PARD3: variants seen among roughly 807,000 people sequenced by gnomAD.
PARD3 encodes par-3 family cell polarity regulator.
In PARD3, 75 loss-of-function variants were observed where a neutral mutation model predicts 155.4. The observed-to-expected ratio is 0.48, with a 90% CI of 0.40 to 0.58. The LOEUF (loss-of-function observed/expected upper bound fraction) is 0.58. Among genes scored for constraint, PARD3 ranks in the 20% least tolerant of loss-of-function variants. PARD3 has a pLI of 0.00. For missense variants in PARD3, 1,642 were observed against 1,721.7 expected (o/e 0.95, Z 0.82); for synonymous variants, 576 against 610.5 (o/e 0.94, Z 0.83).
At chr10:34,476,578 T>G (rs1194004630) in intron 3 of PARD3, among the ~76,000 whole-genome samples, 1 of 152,180 alleles carries the variant, frequency 6.6e-6, no homozygotes, top group African/African-American at 2.4e-5. Flanking sequence ...TCTCTGGGCC[T>G]CCATCCCTAA....
In PARD3 at chr10:34,666,802, T is replaced by TAA. The variant is rs2093490156; in HGVS notation, c.222+29515_222+29516insTT. Among the ~76,000 whole-genome samples the TAA allele has an allele frequency of 1.8e-4, 4 of 22,612 alleles. No homozygotes were observed. The East Asian group carries it at 5.0e-3, about 28-fold the overall frequency. The allele number at this position is 22,612 out of a possible 152,430, so 14.8% of individuals were successfully genotyped here. ...TAAAAAAAAAAAAAAAAAAAATATA[T>TAA]ATATATATATATATACACACACACA... On this transcript the variant is annotated intron_variant, in intron 2 of 24. Transcript: ENST00000374788.
intron 1 of PARD3, among the ~76,000 whole-genome samples, chr10:34,710,169 C>A (rs557073190): frequency 2.0e-5 from 3 of 152,098 alleles, no homozygotes; most frequent in African/African-American, 2.4e-5. Context: ...TAGCTATACA[C>A]GTAAAAACAG....
At chr10:34,160,049 T>C (rs1050422252) in intron 22 of PARD3, among the ~76,000 whole-genome samples, 1 of 152,188 alleles carries the variant, frequency 6.6e-6, no homozygotes, top group African/African-American at 2.4e-5. Flanking sequence ...AGAAAGTAGA[T>C]AGAATATTAT....
At position 34,317,076 on chromosome 10, in the gene PARD3, G is replaced by C. The variant is rs2134129133; in HGVS notation, c.3065+31C>G. ...AAGCTCACACTCCTGTATGTTTAAG[G>C]AGATTCTGGTTTGGGATGGTAACGA... On this transcript the variant is annotated intron_variant, in intron 20 of 24. Coordinates refer to ENST00000374788, the MANE Select transcript of PARD3 (RefSeq NM_001184785.2). The C allele has an allele frequency of 2.0e-6, 3 of 1,525,508 alleles. No homozygotes were observed. In the East Asian group the frequency reaches 7.3e-5, roughly 37 times the overall value. 94.5% of individuals were successfully genotyped at this position (1,525,508 alleles called of 1,614,324 possible).
chr10:34,780,085 C>G (rs920212666), intron 1 of PARD3, among the ~76,000 whole-genome samples: 1 of 152,192 alleles, frequency 6.6e-6, no homozygotes, highest in Non-Finnish European at 1.5e-5. Context: ...TTCTGGTAAT[C>G]CCCATGGAAA....
At chr10:34,628,010 T>C in intron 2 of PARD3, among the ~76,000 whole-genome samples, 1 of 152,122 alleles carries the variant, frequency 6.6e-6, no homozygotes, top group African/African-American at 2.4e-5. Flanking sequence ...GAAGAGGTGC[T>C]GAGTTTACAC....
At chr10:34,649,741 A>C (rs2133040055) in intron 2 of PARD3, among the ~76,000 whole-genome samples, 1 of 152,376 alleles carries the variant, frequency 6.6e-6, no homozygotes, top group African/African-American at 2.4e-5. Flanking sequence ...AACTTAGATT[A>C]CTGTAACTTT....
At chr10:34,284,362 G>A in intron 20 of PARD3, 117 bp from the exon 21 acceptor site, 1 of 610,960 alleles carries the variant, frequency 1.6e-6, no homozygotes, top group African/African-American at 1.9e-5. Flanking sequence ...CAGGGATCAG[G>A]TGTCTTCTGC....
chr10:34,665,357 A>G lies in PARD3; in HGVS notation c.222+30961T>C, dbSNP rs1306482234. On this transcript the variant is annotated intron_variant, in intron 2 of 24. Transcript: ENST00000374788. ...AGAAGCCCTGTATCTGCTGAAAAAAACAAACAAAAAAAAATAGCCAGGCGT... is the reference window on the plus strand; with the variant it reads ...AGAAGCCCTGTATCTGCTGAAAAAAGCAAACAAAAAAAAATAGCCAGGCGT... Among the ~76,000 whole-genome samples, 4 of 116,904 alleles carry G rather than the reference A, an allele frequency of 3.4e-5. No homozygotes were observed. The South Asian group carries it at 1.1e-3, about 32-fold the overall frequency. 76.7% of individuals were successfully genotyped at this position (116,904 alleles called of 152,430 possible). A position where few individuals can be genotyped will look rare whatever the true frequency, so the allele number is the denominator to read the frequency against.
At chr10:34,178,810 T>C (rs1950144170) in intron 22 of PARD3, among the ~76,000 whole-genome samples, 2 of 152,234 alleles carry the variant, frequency 1.3e-5, no homozygotes, top group South Asian at 2.1e-4. Context: ...GGTCACCTAA[T>C]AGAATGCTTT....
At chr10:34,687,901 C>T (rs570342182) in intron 2 of PARD3, among the ~76,000 whole-genome samples, 90 of 124,784 alleles carry the variant, frequency 7.2e-4, no homozygotes, top group African/African-American at 2.3e-3. Context: ...GTTGCCCAAG[C>T]TTGAGTAGAG....
At position 34,382,793 on chromosome 10, in the gene PARD3, A is replaced by T; in HGVS notation, c.1146T>A (p.Phe382Leu). The T allele has an allele frequency of 6.2e-7, 1 of 1,614,202 alleles. No homozygotes were observed. Among genetic ancestry groups the T allele is most frequent in the African/African-American group, 1.3e-5 (1 of 75,040 alleles). ...SEKNNYYSSR[F>L]SPDSQYIDNR... ...TGTCAATATACTGGCTGTCAGGGCT[A>T]AAACGGCTTGAATAGTAATTGTTCT... is the stretch of plus-strand genomic sequence containing the variant. Residue 382 changes from phenylalanine to leucine, a missense_variant, in exon 9 of 25, where the codon TTT becomes TTA. Phe to Leu is a conservative substitution (Grantham distance 22). Coordinates refer to ENST00000374788, the MANE Select transcript of PARD3 (RefSeq NM_001184785.2).
At chr10:34,280,363 G>C (rs187714793) in intron 21 of PARD3, among the ~76,000 whole-genome samples, 1 of 152,330 alleles carries the variant, frequency 6.6e-6, no homozygotes, top group Admixed American at 6.5e-5. Context: ...GCACAGACCA[G>C]TATGTTAACA....
chr10:34,482,854 TA>T (rs879839992), intron 3 of PARD3, among the ~76,000 whole-genome samples: 1,645 of 144,152 alleles, frequency 0.011, 27 homozygotes, highest in African/African-American at 0.037. Flanking sequence ...TCCTTAAAAT[TA>T]AAAAAAAAAA....
intron 22 of PARD3, among the ~76,000 whole-genome samples, chr10:34,214,445 A>G (rs1002421646): frequency 3.9e-5 from 6 of 152,204 alleles, no homozygotes; most frequent in African/African-American, 1.4e-4. Flanking sequence ...AACATAAGCA[A>G]CGTGGGGTGG....
Position 34,399,324 on chromosome 10 carries a change from C to G in PARD3, c.890+6G>C. The G allele has an allele frequency of 6.4e-7, 1 of 1,569,304 alleles. No homozygotes were observed. The highest frequency in any genetic ancestry group is 1.1e-5 in the South Asian group (1 of 90,194). ...GATTCAATTAAAAACCTCCAAGATACGTTACCTGCCGCCTCGAGCACTGAA... is the reference window on the plus strand; with the variant it reads ...GATTCAATTAAAAACCTCCAAGATAGGTTACCTGCCGCCTCGAGCACTGAA... On this transcript the variant is annotated splice_donor_region_variant and intron_variant, in intron 7 of 24. Coordinates refer to ENST00000374788, the MANE Select transcript of PARD3 (RefSeq NM_001184785.2).
chr10:34,507,548 CA>C (rs374421524), intron 3 of PARD3, among the ~76,000 whole-genome samples: 1,356 of 42,912 alleles, frequency 0.032, 42 homozygotes, highest in African/African-American at 0.14. Context: ...ATTAAAAAAA[CA>C]AAAAAAAAAA....
At chr10:34,237,081 G>A (rs972033208) in intron 22 of PARD3, among the ~76,000 whole-genome samples, 6 of 152,096 alleles carry the variant, frequency 3.9e-5, no homozygotes, top group African/African-American at 1.2e-4. Context: ...TACAGCCCTC[G>A]ATACACATTG....
At chr10:34,476,479 C>G (rs909335125) in intron 3 of PARD3, among the ~76,000 whole-genome samples, 9 of 152,074 alleles carry the variant, frequency 5.9e-5, no homozygotes, top group South Asian at 2.1e-4. Context: ...TATGGCCTTC[C>G]TGAAATGATC....
Sources: allele counts gnomAD v4.1 joint callset (sites outside exome capture counted in the v4.1 genomes callset), GRCh38; gene constraint gnomAD v4.1.1; transcripts MANE v1.5; gene names NCBI Gene and HGNC (gene_info 2026-07-23, HGNC 2026-07-21).